Variants in TMEM117 observed in about 807,000 individuals in gnomAD.
TMEM117 encodes the protein transmembrane protein 117.
Under a neutral mutation model 52.4 loss-of-function variants are expected in TMEM117, and 27 were observed. That is an observed-to-expected ratio of 0.51 (90% CI 0.38 to 0.71). The LOEUF (loss-of-function observed/expected upper bound fraction) is 0.71. Among genes scored for constraint, TMEM117 ranks in the 30% least tolerant of loss-of-function variants. TMEM117 has a pLI of 0.00. For missense variants in TMEM117, 556 were observed against 630.5 expected (o/e 0.88, Z 1.26); for synonymous variants, 215 against 206.3 (o/e 1.04, Z -0.36).
chr12:44,040,230 G>A (rs543075408), intron 3 of TMEM117, among the ~76,000 whole-genome samples: 1 of 151,994 alleles, frequency 6.6e-6, no homozygotes, highest in Non-Finnish European at 1.5e-5. Flanking sequence ...GTAAATAATT[G>A]CAAAATGTAA....
chr12:44,351,322 T>G (rs1442945486), intron 6 of TMEM117, among the ~76,000 whole-genome samples: 1 of 152,026 alleles, frequency 6.6e-6, no homozygotes, highest in Admixed American at 6.6e-5. Context: ...CTTCACTTTG[T>G]TGATTATTCC....
intron 3 of TMEM117, among the ~76,000 whole-genome samples, chr12:43,972,441 T>C (rs1945604438): frequency 6.6e-6 from 1 of 152,204 alleles, no homozygotes; most frequent in South Asian, 2.1e-4. Context: ...CAGGATTTAT[T>C]GTGAAGAGTG....
rs540575691 is a variant in TMEM117 at position 44,232,611 on chromosome 12, A to T, written c.608+21224A>T. Among the ~76,000 whole-genome samples, 223 of 151,594 alleles carry T rather than the reference A, an allele frequency of 1.5e-3. 2 individuals carry two copies. Among genetic ancestry groups the T allele is most frequent in the African/African-American group, 5.1e-3 (210 of 41,506 alleles). ...AAGAATTTTTCCATTTAACTTTATGAATCAGCATGTCAATTTCCACAATAA... is the reference window on the plus strand; with the variant it reads ...AAGAATTTTTCCATTTAACTTTATGTATCAGCATGTCAATTTCCACAATAA... On this transcript the variant is annotated intron_variant, in intron 5 of 7. Coordinates refer to ENST00000266534, the MANE Select transcript of TMEM117 (RefSeq NM_032256.3).
intron 4 of TMEM117, among the ~76,000 whole-genome samples, chr12:44,173,087 T>C (rs1204263723): frequency 1.3e-5 from 2 of 152,170 alleles, no homozygotes; most frequent in Non-Finnish European, 2.9e-5. Context: ...TTTTGTTTTT[T>C]GTTTTTGGGA....
intron 3 of TMEM117, among the ~76,000 whole-genome samples, chr12:43,980,208 G>T (rs1945738109): frequency 6.6e-6 from 1 of 152,170 alleles, no homozygotes; most frequent in Non-Finnish European, 1.5e-5. Context: ...TGAGGGAGAA[G>T]GAGGAGGTAG....
At chr12:44,140,177 G>T (rs902342038) in intron 3 of TMEM117, among the ~76,000 whole-genome samples, 36 of 152,200 alleles carry the variant, frequency 2.4e-4, no homozygotes, top group African/African-American at 7.7e-4. Flanking sequence ...ATTTTGTGCT[G>T]ATATATTACT....
At chr12:43,958,446 TGTGTTAA>T (rs1490107009) in intron 3 of TMEM117, among the ~76,000 whole-genome samples, 2 of 152,208 alleles carry the variant, frequency 1.3e-5, no homozygotes, top group East Asian at 3.8e-4. Context: ...TACATCACTA[TGTGTTAA>T]GTATTTCAGA....
chr12:44,103,823 T>C (rs549132380), intron 3 of TMEM117, among the ~76,000 whole-genome samples: 3 of 152,210 alleles, frequency 2.0e-5, no homozygotes, highest in South Asian at 4.1e-4. Flanking sequence ...TATCTCATCT[T>C]TGACTTTTTA....
intron 5 of TMEM117, among the ~76,000 whole-genome samples, chr12:44,298,701 G>C (rs749722175): frequency 1.1e-4 from 16 of 150,964 alleles, no homozygotes; most frequent in Admixed American, 5.2e-4. Context: ...CAGGCTCCTA[G>C]TATCTTATCT....
At chr12:44,145,660 C>T (rs995399067) in intron 4 of TMEM117, among the ~76,000 whole-genome samples, 15 of 152,162 alleles carry the variant, frequency 9.9e-5, no homozygotes, top group Non-Finnish European at 2.9e-5. Context: ...CTCAGGATGC[C>T]TAGACTTCCT....
At chr12:43,864,201 G>A (rs895374360) in intron 2 of TMEM117, among the ~76,000 whole-genome samples, 7 of 152,296 alleles carry the variant, frequency 4.6e-5, no homozygotes, top group East Asian at 1.9e-4. Flanking sequence ...GGGTTCCTGC[G>A]CGGCCTGAGC....
At chr12:44,378,032 T>C (rs1316959) in intron 7 of TMEM117, among the ~76,000 whole-genome samples, 5,018 of 152,276 alleles carry the variant, frequency 0.033, 99 homozygotes, top group Middle Eastern at 0.13. Flanking sequence ...GAGTCCCCAC[T>C]TAATCTCTGC....
chr12:44,322,367 C>A (rs1951142678), intron 6 of TMEM117, among the ~76,000 whole-genome samples: 1 of 152,000 alleles, frequency 6.6e-6, no homozygotes. Context: ...AAATTGATTC[C>A]CAGAGATCTA....
intron 7 of TMEM117, among the ~76,000 whole-genome samples, chr12:44,379,714 C>T (rs1217604047): frequency 2.6e-5 from 4 of 152,162 alleles, no homozygotes; most frequent in Admixed American, 6.5e-5. Context: ...GTGCTACATG[C>T]TGCATTTCAA....
chr12:44,120,271 G>C (rs553286881), intron 3 of TMEM117, among the ~76,000 whole-genome samples: 60 of 152,320 alleles, frequency 3.9e-4, no homozygotes, highest in African/African-American at 1.3e-3. Context: ...GGGTGCTGCT[G>C]ATTTGCATGT....
intron 3 of TMEM117, among the ~76,000 whole-genome samples, chr12:44,035,176 G>C (rs374302344): frequency 2.0e-5 from 3 of 152,108 alleles, no homozygotes; most frequent in Admixed American, 6.5e-5. Flanking sequence ...ATAAATCTCC[G>C]TGTGTGTATC....
intron 2 of TMEM117, among the ~76,000 whole-genome samples, chr12:43,902,131 C>T (rs1317335249): frequency 2.0e-5 from 3 of 152,174 alleles, no homozygotes; most frequent in Non-Finnish European, 4.4e-5. Flanking sequence ...CAGAGTCACA[C>T]CTGACGGTGT....
At chr12:43,882,566 G>A (rs1731422) in intron 2 of TMEM117, among the ~76,000 whole-genome samples, 126,506 of 152,012 alleles carry the variant, frequency 0.83, 54,726 homozygotes, top group East Asian at 0.94. Context: ...AGGTCTGCAC[G>A]TTCTGCAAGC....
At chr12:44,223,453 T>C (rs2138431093) in intron 5 of TMEM117, among the ~76,000 whole-genome samples, 1 of 150,410 alleles carries the variant, frequency 6.6e-6, no homozygotes, top group South Asian at 2.2e-4. Flanking sequence ...TCTCCCTTCA[T>C]GGTGGCTTCT....
Sources: gnomAD v4.1 joint callset for allele counts (sites outside exome capture counted in the v4.1 genomes callset) on GRCh38, gnomAD v4.1.1 for gene constraint, MANE v1.5 for transcripts, NCBI Gene and HGNC (gene_info 2026-07-23, HGNC 2026-07-21) for gene names.